Variants in PLCB4 observed in about 807,000 individuals in gnomAD.
PLCB4 encodes the protein phospholipase C beta 4.
A neutral mutation model predicts 178.8 loss-of-function variants in PLCB4; 77 were observed. That is an observed-to-expected ratio of 0.43 (90% confidence interval 0.36 to 0.52). The LOEUF (loss-of-function observed/expected upper bound fraction) is 0.52. PLCB4 is among the 20% of genes least tolerant of loss of function. The pLI, the probability that PLCB4 is intolerant of heterozygous loss-of-function variation, is 0.00. For synonymous variants in PLCB4, 496 were observed against 490.8 expected (o/e 1.01, Z -0.14); for missense variants, 1,024 against 1,453.4 (o/e 0.70, Z 4.80).
intron 2 of PLCB4, among the ~76,000 whole-genome samples, chr20:9,154,364 G>C (rs771485093): frequency 1.3e-5 from 2 of 152,168 alleles, no homozygotes; most frequent in Non-Finnish European, 2.9e-5. Flanking sequence ...ACTGATGATG[G>C]AGAGGAGAAT....
intron 2 of PLCB4, among the ~76,000 whole-genome samples, chr20:9,158,222 G>A (rs1238244973): frequency 2.0e-5 from 3 of 151,962 alleles, no homozygotes; most frequent in African/African-American, 7.3e-5. Flanking sequence ...CCATCTGCAT[G>A]CTTTTTGCCA....
At chr20:9,311,565 C>CTGGA (rs2094834568) in intron 4 of PLCB4, among the ~76,000 whole-genome samples, 1 of 152,134 alleles carries the variant, frequency 6.6e-6, no homozygotes, top group East Asian at 1.9e-4. Context: ...TAATCACACT[C>CTGGA]AGAGTCCTTT....
intron 3 of PLCB4, among the ~76,000 whole-genome samples, chr20:9,300,062 A>G (rs1186903305): frequency 2.0e-5 from 3 of 152,166 alleles, no homozygotes; most frequent in African/African-American, 7.2e-5. Context: ...TACTGGAGGT[A>G]AAGCCATTTA....
intron 9 of PLCB4, among the ~76,000 whole-genome samples, chr20:9,367,846 G>C (rs764615002): frequency 6.6e-6 from 1 of 152,106 alleles, no homozygotes; most frequent in African/African-American, 2.4e-5. Context: ...TGTAGAAATA[G>C]CTTAGATATT....
chr20:9,218,866 A>T (rs2093764223), intron 3 of PLCB4, among the ~76,000 whole-genome samples: 1 of 152,216 alleles, frequency 6.6e-6, no homozygotes, highest in Non-Finnish European at 1.5e-5. Flanking sequence ...GGGGAGTAGG[A>T]GGGACTGAAT....
chr20:9,111,911 A>G (rs1426214783), intron 2 of PLCB4, among the ~76,000 whole-genome samples: 1 of 152,194 alleles, frequency 6.6e-6, no homozygotes, highest in South Asian at 2.1e-4. Flanking sequence ...ATATAGAAGT[A>G]TGTATTTAAT....
chr20:9,445,602 T>C (rs2042368154), intron 32 of PLCB4, among the ~76,000 whole-genome samples: 1 of 152,218 alleles, frequency 6.6e-6, no homozygotes, highest in Non-Finnish European at 1.5e-5. Flanking sequence ...ATGTTCCCTG[T>C]ATTACAGAAC....
At chr20:9,301,943 T>C (rs542456774) in intron 3 of PLCB4, among the ~76,000 whole-genome samples, 1 of 151,992 alleles carries the variant, frequency 6.6e-6, no homozygotes, top group East Asian at 2.0e-4. Flanking sequence ...GTGTTTACAC[T>C]GCAAGAGGTT....
intron 28 of PLCB4, among the ~76,000 whole-genome samples, chr20:9,430,739 G>C (rs1207921524): frequency 6.6e-6 from 1 of 152,316 alleles, no homozygotes; most frequent in East Asian, 1.9e-4. Flanking sequence ...GACAATATGT[G>C]GATTCAGCTA....
chr20:9,394,911 G>C (rs947917663), intron 18 of PLCB4, among the ~76,000 whole-genome samples: 2 of 151,966 alleles, frequency 1.3e-5, no homozygotes. Flanking sequence ...AAAAAAATTG[G>C]TACCTTAGGG....
chr20:9,280,250 C>T (rs1274565496), intron 3 of PLCB4, among the ~76,000 whole-genome samples: 1 of 151,996 alleles, frequency 6.6e-6, no homozygotes, highest in Non-Finnish European at 1.5e-5. Flanking sequence ...CACTGACCTT[C>T]TGGCCTCTGG....
chr20:9,440,013 G>A (rs1214356269), intron 30 of PLCB4, among the ~76,000 whole-genome samples: 3 of 152,216 alleles, frequency 2.0e-5, no homozygotes, highest in African/African-American at 7.2e-5. Context: ...AATGTTTGGG[G>A]TTCAGCTAAA....
intron 28 of PLCB4, among the ~76,000 whole-genome samples, chr20:9,433,034 T>C (rs2041533842): frequency 6.6e-6 from 1 of 151,360 alleles, no homozygotes; most frequent in African/African-American, 2.4e-5. Context: ...AATGCAGAGA[T>C]CGAGTTGCCA....
At chr20:9,368,078 C>T (rs2035931252) in intron 9 of PLCB4, among the ~76,000 whole-genome samples, 1 of 152,162 alleles carries the variant, frequency 6.6e-6, no homozygotes, top group African/African-American at 2.4e-5. Context: ...AGAGTAAACA[C>T]TTTTAAAATG....
intron 9 of PLCB4, among the ~76,000 whole-genome samples, chr20:9,369,913 A>C (rs1292596991): frequency 6.6e-6 from 1 of 152,226 alleles, no homozygotes. Flanking sequence ...CATGGATAGA[A>C]GTAAAACTCC....
Position 9,384,056 on chromosome 20 carries a change from G to A in PLCB4, c.854-145G>A, listed in dbSNP as rs1012974498. On this transcript the variant is annotated intron_variant, in intron 13 of 39. Transcript: ENST00000378473. ...TGTGCAACTCTCTTATTTCATTCAAGTTCTGACAGATGAAAGTTCTTGGGA... is the reference window on the plus strand; with the variant it reads ...TGTGCAACTCTCTTATTTCATTCAAATTCTGACAGATGAAAGTTCTTGGGA... The A allele has an allele frequency of 1.4e-5, 9 of 645,310 alleles. No individual in the cohort carries two copies. In the Admixed American group the frequency reaches 1.6e-4, roughly 11 times the overall value. The allele number at this position is 645,310 out of a possible 1,614,324, so 40.0% of individuals were successfully genotyped here.
At chr20:9,194,707 A>T (rs1460913201) in intron 2 of PLCB4, among the ~76,000 whole-genome samples, 1 of 151,616 alleles carries the variant, frequency 6.6e-6, no homozygotes, top group Admixed American at 6.6e-5. Context: ...AAAAAAAAAA[A>T]AAAAAAAAGA....
chr20:9,134,305 T>A (rs1237501422), intron 2 of PLCB4, among the ~76,000 whole-genome samples: 1 of 152,218 alleles, frequency 6.6e-6, no homozygotes, highest in Non-Finnish European at 1.5e-5. Context: ...AATTTACTAT[T>A]TTCCTTCTTG....
intron 1 of PLCB4, among the ~76,000 whole-genome samples, chr20:9,075,346 C>T (rs2089802503): frequency 6.6e-6 from 1 of 152,110 alleles, no homozygotes. Flanking sequence ...TCTGGCAATC[C>T]TGCTGTGAAT....
Sources: allele counts gnomAD v4.1 joint callset (sites outside exome capture counted in the v4.1 genomes callset), GRCh38; gene constraint gnomAD v4.1.1; transcripts MANE v1.5; gene names NCBI Gene and HGNC (gene_info 2026-07-23, HGNC 2026-07-21).